The following IL7 variants were observed in gnomAD, a reference collection of about 807,000 sequenced individuals.
IL7 encodes the protein interleukin 7.
IL7 carries 3 observed loss-of-function variants against 21.6 expected under a neutral mutation model. That is an observed-to-expected ratio of 0.14 (90% CI 0.06 to 0.36). IL7 has a LOEUF of 0.36. Ranked by LOEUF, IL7 falls within the 10% of genes least tolerant of loss-of-function variation. IL7 has a pLI of 1.00. For missense variants in IL7, 175 were observed against 200.2 expected, an observed-to-expected ratio of 0.87 and a Z score of 0.76; for synonymous variants, 62 against 68.1, an observed-to-expected ratio of 0.91 and a Z score of 0.44.
In IL7 at chr8:78,696,345, A is replaced by G. The variant is rs1033153299; in HGVS notation, n.215-10398T>C. On this transcript the variant is annotated intron_variant and non_coding_transcript_variant, in intron 3 of 4. Transcript: ENST00000523959. ...CACCGTGCCCAGCCCGTTAAAACCA[A>G]TTTTTCACATGAAATCTTGATACCG... Among the ~76,000 whole-genome samples, 16 of 152,086 alleles carry G rather than the reference A, an allele frequency of 1.1e-4. 1 individual carries two copies. In the East Asian group the frequency reaches 2.5e-3, roughly 24 times the overall value.
chr8:78,789,657 A>C (rs1813621655), intron 2 of IL7, among the ~76,000 whole-genome samples: 1 of 152,174 alleles, frequency 6.6e-6, no homozygotes, highest in African/African-American at 2.4e-5. Context: ...AAGGTTAGTC[A>C]GGGCCCACTG....
chr8:78,744,356 G>C (rs1453047034), intron 2 of IL7, among the ~76,000 whole-genome samples: 5 of 152,216 alleles, frequency 3.3e-5, no homozygotes, highest in African/African-American at 1.2e-4. Flanking sequence ...TAAAGAAGCA[G>C]TCTGGCCACG....
At chr8:78,756,443 G>A (rs944465395) in intron 2 of IL7, among the ~76,000 whole-genome samples, 2 of 151,824 alleles carry the variant, frequency 1.3e-5, no homozygotes, top group Admixed American at 6.6e-5. Flanking sequence ...AAGCCATCTG[G>A]TCCTGGGCTT....
intron 2 of IL7, among the ~76,000 whole-genome samples, chr8:78,797,179 C>A (rs1295334911): frequency 6.6e-6 from 1 of 151,864 alleles, no homozygotes; most frequent in Admixed American, 6.6e-5. Flanking sequence ...CCGCATGATT[C>A]TAACTATATG....
chr8:78,761,108 A>C (rs1324930930), intron 2 of IL7: 45 of 1,593,960 alleles, frequency 2.8e-5, no homozygotes, highest in Non-Finnish European at 3.8e-5. Flanking sequence ...TGCTTGCAGG[A>C]GTTCCACTAA....
At chr8:78,687,952 ATATC>A (rs1263188759) in intron 3 of IL7, among the ~76,000 whole-genome samples, 30 of 143,962 alleles carry the variant, frequency 2.1e-4, no homozygotes, top group East Asian at 5.9e-4. Flanking sequence ...TATATAAACT[ATATC>A]TATATTTATA....
intron 2 of IL7, among the ~76,000 whole-genome samples, chr8:78,742,239 G>A (rs998719208): frequency 4.0e-5 from 6 of 151,876 alleles, no homozygotes; most frequent in Admixed American, 6.6e-5. Flanking sequence ...CAGGAGAATC[G>A]CTTGAACCTG....
intron 3 of IL7, chr8:78,697,332 T>A: frequency 8.3e-7 from 1 of 1,200,426 alleles, no homozygotes; most frequent in East Asian, 2.6e-5. Flanking sequence ...CAAAGAATGT[T>A]AAGTTTTGAA....
intron 3 of IL7, among the ~76,000 whole-genome samples, chr8:78,690,252 G>A (rs1013577604): frequency 6.6e-6 from 1 of 152,068 alleles, no homozygotes; most frequent in Non-Finnish European, 1.5e-5. Flanking sequence ...TTTCCTACTT[G>A]AATTCCTTTT....
At chr8:78,804,616 C>A (rs1401486439) in intron 1 of IL7, among the ~76,000 whole-genome samples, 1 of 152,228 alleles carries the variant, frequency 6.6e-6, no homozygotes, top group Non-Finnish European at 1.5e-5. Flanking sequence ...CTGTGGGCTG[C>A]CACCGCTGAG....
intron 2 of IL7, chr8:78,761,378 T>A: frequency 1.2e-6 from 2 of 1,611,442 alleles, no homozygotes; most frequent in South Asian, 2.2e-5. Flanking sequence ...TTGGGGATAT[T>A]TCTCTAAAAG....
At chr8:78,759,985 T>C (rs982452204) in intron 2 of IL7, among the ~76,000 whole-genome samples, 1 of 152,066 alleles carries the variant, frequency 6.6e-6, no homozygotes, top group Non-Finnish European at 1.5e-5. Flanking sequence ...AGCTTGAGAG[T>C]TCAAACAGGG....
Position 78,740,096 on chromosome 8 carries a change from C to T in IL7, c.148-14G>A, listed in dbSNP as rs1259002236. The T allele has an allele frequency of 7.0e-7, 1 of 1,418,612 alleles. No individual in the cohort carries two copies. Among genetic ancestry groups the T allele is most frequent in the African/African-American group, 1.5e-5 (1 of 67,284 alleles). 87.9% of individuals were successfully genotyped at this position (1,418,612 alleles called of 1,614,324 possible). On this transcript the variant is annotated splice_polypyrimidine_tract_variant and intron_variant, in intron 2 of 5. Transcript: ENST00000263851. The stretch of plus-strand genomic sequence containing the variant: ...TTTCATGCTGTCCTGTAATAAATAA[C>T]ATAAAATAATATGGTTAAAACTGAG...
downstream of IL7, among the ~76,000 whole-genome samples, chr8:78,730,234 G>T (rs936534620): frequency 2.2e-4 from 34 of 151,820 alleles, no homozygotes; most frequent in Non-Finnish European, 4.4e-5. Context: ...TTATGTGAAG[G>T]ATGCAAATCA....
At chr8:78,696,320 C>T (rs564651313) in intron 3 of IL7, among the ~76,000 whole-genome samples, 1 of 152,310 alleles carries the variant, frequency 6.6e-6, no homozygotes, top group African/African-American at 2.4e-5. Flanking sequence ...AGGCATGAGC[C>T]ACCGTGCCCA....
chr8:78,675,937 G>A (rs533135075), exon 5 of IL7: 8 of 1,326,636 alleles, frequency 6.0e-6, no homozygotes, highest in Non-Finnish European at 4.3e-6. Context: ...CAATTCTCAT[G>A]GGAAGAATTT....
intron 2 of IL7, among the ~76,000 whole-genome samples, chr8:78,770,347 T>C (rs915458677): frequency 6.9e-6 from 1 of 145,840 alleles, no homozygotes; most frequent in Non-Finnish European, 1.5e-5. Flanking sequence ...GCTTGGTCAA[T>C]TGGAGCTAAA....
intron 3 of IL7, among the ~76,000 whole-genome samples, chr8:78,702,448 T>G (rs1373735574): frequency 6.6e-6 from 1 of 152,194 alleles, no homozygotes; most frequent in Non-Finnish European, 1.5e-5. Flanking sequence ...TGAATGGTTT[T>G]TCATGTATCT....
At chr8:78,722,127 T>G (rs2130633965) in intron 3 of IL7, among the ~76,000 whole-genome samples, 1 of 152,130 alleles carries the variant, frequency 6.6e-6, no homozygotes, top group African/African-American at 2.4e-5. Flanking sequence ...TATTGTCAAT[T>G]TTTAAAATAA....
Sources: gnomAD v4.1 joint callset for allele counts (sites outside exome capture counted in the v4.1 genomes callset) on GRCh38, gnomAD v4.1.1 for gene constraint, MANE v1.5 for transcripts, NCBI Gene and HGNC (gene_info 2026-07-23, HGNC 2026-07-21) for gene names.